Variants in ST8SIA6 observed in about 807,000 individuals in gnomAD.
ST8SIA6 encodes the protein ST8 alpha-N-acetyl-neuraminide alpha-2,8-sialyltransferase 6, also known as alpha-2,8-sialyltransferase 8F.
Under a neutral mutation model 33.6 loss-of-function variants are expected in ST8SIA6, and 39 were observed. The ratio of observed to expected loss-of-function variants is 1.16; its 90% CI spans 0.90 to 1.52. ST8SIA6 has a LOEUF of 1.52. ST8SIA6 is among the 40% of genes most tolerant of loss of function. The pLI, the probability that ST8SIA6 is intolerant of heterozygous loss-of-function variation, is 0.00. For missense variants in ST8SIA6, 441 were observed against 443.8 expected (o/e 0.99, Z 0.06); for synonymous variants, 172 against 167.2 (o/e 1.03, Z -0.22).
rs1276881409 is a variant in ST8SIA6 at position 17,317,512 on chromosome 10, GT to G, written c.*3365del. On this transcript the variant is annotated 3_prime_UTR_variant, in exon 8 of 8. Transcript: ENST00000377602. ...TCAATTTTTAATGGCATAATAATGTGTTTCCATGTCATGTTAGATAAATAAA... is the reference window on the plus strand; with the variant it reads ...TCAATTTTTAATGGCATAATAATGTGTTCCATGTCATGTTAGATAAATAAA... 6.6e-6 allele frequency among the ~76,000 whole-genome samples: 1 copy of G among 152,132 alleles called. No individual in the cohort carries two copies. Among genetic ancestry groups the G allele is most frequent in the Non-Finnish European group, 1.5e-5 (1 of 68,014 alleles).
rs887335978 is a variant in ST8SIA6, at chr10:17,315,680, T to C, written c.*5198A>G. ...AATTCTAAAAAATGTAAACAGTCTA[T>C]AGTGTAAAAATGTAAATGTCTATAG... On this transcript the variant is annotated 3_prime_UTR_variant, in exon 8 of 8. Coordinates refer to ENST00000377602, the MANE Select transcript of ST8SIA6 (RefSeq NM_001004470.3). Among the ~76,000 whole-genome samples the C allele has an allele frequency of 4.6e-5, 7 of 151,974 alleles. No individual in the cohort carries two copies. Among genetic ancestry groups the C allele is most frequent in the African/African-American group, 7.2e-5 (3 of 41,416 alleles).
chr10:17,386,399 C>T (rs1023906708), intron 3 of ST8SIA6, among the ~76,000 whole-genome samples: 13 of 152,106 alleles, frequency 8.5e-5, no homozygotes, highest in African/African-American at 3.1e-4. Context: ...ATTAGCCGGG[C>T]GTGGTGGCAC....
intron 4 of ST8SIA6, among the ~76,000 whole-genome samples, chr10:17,354,911 C>G (rs985433603): frequency 4.6e-5 from 7 of 152,122 alleles, no homozygotes; most frequent in African/African-American, 1.7e-4. Flanking sequence ...TAAGAATCTT[C>G]CTAGTTAAGC....
At chr10:17,403,812 C>T (rs568327987) in intron 2 of ST8SIA6, among the ~76,000 whole-genome samples, 7 of 152,026 alleles carry the variant, frequency 4.6e-5, no homozygotes, top group Non-Finnish European at 1.0e-4. Flanking sequence ...CCTGTAACCC[C>T]AGCACTTTGG....
At chr10:17,439,414 G>T (rs992529866) in intron 2 of ST8SIA6, among the ~76,000 whole-genome samples, 1 of 151,978 alleles carries the variant, frequency 6.6e-6, no homozygotes, top group Non-Finnish European at 1.5e-5. Context: ...CAAGTAGCTG[G>T]AATTAGAGGC....
intron 4 of ST8SIA6, among the ~76,000 whole-genome samples, chr10:17,334,945 A>C (rs1848457023): frequency 6.6e-6 from 1 of 152,200 alleles, no homozygotes; most frequent in Admixed American, 6.5e-5. Context: ...TCCAGGGTTT[A>C]ATCAACCTTA....
At position 17,453,592 on chromosome 10, in the gene ST8SIA6, C is replaced by T. The variant is rs1853001698; in HGVS notation, c.167G>A (p.Ser56Asn). ...GTPAALRTLR[S>N]PATAVPRATN... ...GGCGCGCGGTACCGCGGTCGCCGGG[C>T]TCCGGAGCGTCCTCAGCGCTGCGGG... The change falls in exon 2 of 8, where the codon AGC (serine) becomes AAC (asparagine). Residue 56 changes from serine to asparagine, a missense_variant. Coordinates refer to ENST00000377602, the MANE Select transcript of ST8SIA6 (RefSeq NM_001004470.3). The T allele has an allele frequency of 1.5e-6, 2 of 1,331,248 alleles. No homozygotes were observed. Among genetic ancestry groups the T allele is most frequent in the Non-Finnish European group, 9.7e-7 (1 of 1,033,244 alleles). 82.5% of individuals were successfully genotyped at this position (1,331,248 alleles called of 1,614,324 possible). A position where few individuals can be genotyped will look rare whatever the true frequency, so the allele number is the denominator to read the frequency against.
chr10:17,365,855 C>A (rs1849541733), intron 3 of ST8SIA6, among the ~76,000 whole-genome samples: 1 of 152,136 alleles, frequency 6.6e-6, no homozygotes, highest in East Asian at 1.9e-4. Context: ...ATGGTGAAAG[C>A]CAGCCATTTT....
chr10:17,429,250 G>A (rs111599812), intron 2 of ST8SIA6, among the ~76,000 whole-genome samples: 2,050 of 151,830 alleles, frequency 0.014, 27 homozygotes, highest in Non-Finnish European at 0.022. Context: ...TCATCACCAC[G>A]ACTAACCCCA....
chr10:17,319,678 A>G lies in ST8SIA6; in HGVS notation c.*1200T>C, dbSNP rs1015881439. 2.0e-5 allele frequency among the ~76,000 whole-genome samples: 3 copies of G among 150,774 alleles called. No individual in the cohort carries two copies. Among genetic ancestry groups the G allele is most frequent in the African/African-American group, 5.0e-5 (2 of 40,252 alleles). On this transcript the variant is annotated 3_prime_UTR_variant, in exon 8 of 8. Coordinates refer to ENST00000377602, the MANE Select transcript of ST8SIA6 (RefSeq NM_001004470.3). ...TTTTTAAGATAGGATATTATATGGG[A>G]AAAAAAAGTAAGCTCTAAATGTCCT...
intron 4 of ST8SIA6, among the ~76,000 whole-genome samples, chr10:17,353,451 TTTTG>T (rs1849095670): frequency 6.6e-6 from 1 of 152,184 alleles, no homozygotes; most frequent in Non-Finnish European, 1.5e-5. Flanking sequence ...TGCAGGTGTA[TTTTG>T]TTTAACACTA....
chr10:17,364,283 A>AGTGCTTGCCCTTTT (rs1849490194), intron 3 of ST8SIA6, among the ~76,000 whole-genome samples: 1 of 152,206 alleles, frequency 6.6e-6, no homozygotes, highest in Non-Finnish European at 1.5e-5. Context: ...ATTTAACCTA[A>AGTGCTTGCCCTTTT]TATTGAAAGA....
chr10:17,374,764 T>TATATATATATATATATATAC lies in ST8SIA6; in HGVS notation c.291-15165_291-15164insGTATATATATATATATATAT, dbSNP rs1441288579. On this transcript the variant is annotated intron_variant, in intron 3 of 7. Coordinates refer to ENST00000377602, the MANE Select transcript of ST8SIA6 (RefSeq NM_001004470.3). ...TAAATAAATAATAAATATATATATA[T>TATATATATATATATATATAC]ATATTTAGCTCAACTGCCCTCCCAA... is the stretch of plus-strand genomic sequence containing the variant. Among the ~76,000 whole-genome samples, 34 of 126,850 alleles carry TATATATATATATATATATAC rather than the reference T, an allele frequency of 2.7e-4. 1 individual carries two copies. Among genetic ancestry groups the TATATATATATATATATATAC allele is most frequent in the African/African-American group, 1.0e-3 (34 of 33,180 alleles). The allele number at this position is 126,850 out of a possible 152,430, so 83.2% of individuals were successfully genotyped here.
chr10:17,340,981 G>A (rs1848653474), intron 4 of ST8SIA6, among the ~76,000 whole-genome samples: 1 of 152,172 alleles, frequency 6.6e-6, no homozygotes, highest in South Asian at 2.1e-4. Context: ...CTTGTGTTGT[G>A]CAGCTACGGG....
chr10:17,412,041 C>A (rs1292982546), intron 2 of ST8SIA6, among the ~76,000 whole-genome samples: 1 of 152,034 alleles, frequency 6.6e-6, no homozygotes, highest in Non-Finnish European at 1.5e-5. Flanking sequence ...CACCCTGGCC[C>A]CTCTTGCCTC....
intron 3 of ST8SIA6, among the ~76,000 whole-genome samples, chr10:17,384,704 T>C (rs1850271962): frequency 6.6e-6 from 1 of 152,216 alleles, no homozygotes; most frequent in East Asian, 1.9e-4. Flanking sequence ...CTTCAAACCA[T>C]GAGAACTGAA....
At chr10:17,377,837 T>A (rs990786559) in intron 3 of ST8SIA6, among the ~76,000 whole-genome samples, 1 of 152,178 alleles carries the variant, frequency 6.6e-6, no homozygotes, top group East Asian at 1.9e-4. Flanking sequence ...AAAACGAAAT[T>A]ACTTTTTTAT....
chr10:17,364,984 A>C lies in ST8SIA6; in HGVS notation c.291-5384T>G, dbSNP rs375424770. ...TGCCTTGTATGTAGATGAGCTAAGA[A>C]TTAAACTCATGTCTTTTGATTCACA... On this transcript the variant is annotated intron_variant, in intron 3 of 7. Coordinates refer to ENST00000377602, the MANE Select transcript of ST8SIA6 (RefSeq NM_001004470.3). Among the ~76,000 whole-genome samples, 37 of 152,352 alleles carry C rather than the reference A, an allele frequency of 2.4e-4. No homozygotes were observed. In the South Asian group the frequency reaches 5.2e-3, roughly 21 times the overall value.
At chr10:17,406,755 C>T (rs929811370) in intron 2 of ST8SIA6, among the ~76,000 whole-genome samples, 2 of 151,546 alleles carry the variant, frequency 1.3e-5, no homozygotes, top group East Asian at 1.9e-4. Context: ...CCAGGGTAGG[C>T]CCTAATATTC....
Sources: gnomAD v4.1 joint callset for allele counts (sites outside exome capture counted in the v4.1 genomes callset) on GRCh38, gnomAD v4.1.1 for gene constraint, MANE v1.5 for transcripts, NCBI Gene and HGNC (gene_info 2026-07-23, HGNC 2026-07-21) for gene names.